Variants in TBC1D23 observed in about 807,000 individuals in gnomAD.
The protein encoded by TBC1D23 is TBC1 domain family member 23.
A neutral mutation model predicts 91.4 loss-of-function variants in TBC1D23; 55 were observed. The observed-to-expected ratio is 0.60, with a 90% CI of 0.48 to 0.75. The LOEUF is 0.75. Among genes scored for constraint, TBC1D23 ranks in the 30% least tolerant of loss-of-function variants. The pLI, the probability that TBC1D23 is intolerant of heterozygous loss-of-function variation, is 0.00. For missense variants in TBC1D23, 725 were observed against 836.1 expected, an observed-to-expected ratio of 0.87 and a Z score of 1.64; for synonymous variants, 289 against 281.0, an observed-to-expected ratio of 1.03 and a Z score of -0.28.
chr3:100,289,089 T>C (rs1322175865), intron 4 of TBC1D23, among the ~76,000 whole-genome samples: 1 of 151,946 alleles, frequency 6.6e-6, no homozygotes, highest in Non-Finnish European at 1.5e-5. Context: ...TGGATGTACC[T>C]GTAGTCCCAG....
intron 13 of TBC1D23, among the ~76,000 whole-genome samples, chr3:100,307,272 G>A (rs995083321): frequency 7.9e-5 from 12 of 152,174 alleles, no homozygotes; most frequent in African/African-American, 2.9e-4. Context: ...CACATACCTA[G>A]TGATTATTCT....
chr3:100,323,678 A>G lies in TBC1D23; in HGVS notation c.*10A>G. 1 of 1,400,014 alleles carries G rather than the reference A, an allele frequency of 7.1e-7. No homozygotes were observed. The highest frequency in any genetic ancestry group is 9.6e-7 in the Non-Finnish European group (1 of 1,041,324). The allele number at this position is 1,400,014 out of a possible 1,614,324, so 86.7% of individuals were successfully genotyped here. On this transcript the variant is annotated 3_prime_UTR_variant, in exon 19 of 19. Coordinates refer to ENST00000394144, the MANE Select transcript of TBC1D23 (RefSeq NM_001199198.3). ...TGCTTTGGAAAGTTAATATAAAAGA[A>G]AATTATATAAAAAGAAATTAAGACA...
At chr3:100,297,198 CA>C (rs1705310577) in intron 8 of TBC1D23, among the ~76,000 whole-genome samples, 1 of 151,968 alleles carries the variant, frequency 6.6e-6, no homozygotes, top group Non-Finnish European at 1.5e-5. Flanking sequence ...AGCATTCTGC[CA>C]TAATAATTTC....
intron 8 of TBC1D23, 41 bp from the exon 9 acceptor site, chr3:100,297,882 A>AT (rs3832199): frequency 0.25 from 340,874 of 1,386,322 alleles, 30,269 homozygotes; most frequent in East Asian, 0.47. Flanking sequence ...AGAAAGTTTG[A>AT]TTTTTTTTTT....
chr3:100,276,262 A>AT (rs557364713), intron 1 of TBC1D23, among the ~76,000 whole-genome samples: 196 of 151,912 alleles, frequency 1.3e-3, no homozygotes, highest in South Asian at 3.5e-3. Flanking sequence ...GTATATAGTC[A>AT]TTTTTTCCTA....
chr3:100,288,677 A>AACT (rs2067764302), intron 4 of TBC1D23, among the ~76,000 whole-genome samples: 1 of 152,194 alleles, frequency 6.6e-6, no homozygotes, highest in Non-Finnish European at 1.5e-5. Context: ...ACCTGTTTAT[A>AACT]AGTTTTTGCT....
rs778619581 is a variant in TBC1D23, at chr3:100,279,683, G to T, written c.88G>T (p.Gly30Cys). 17 of 1,608,250 alleles carry T rather than the reference G, an allele frequency of 1.1e-5. No individual in the cohort carries two copies. The highest frequency in any genetic ancestry group is 1.7e-5 in the Admixed American group (1 of 59,946). The change falls in exon 2 of 19, where the codon GGT becomes TGT. Residue 30 changes from glycine (G) to cysteine (C), a missense_variant. Physicochemically the swap from Gly to Cys is radical, Grantham distance 159 (BLOSUM62 -3). Coordinates refer to ENST00000394144, the MANE Select transcript of TBC1D23 (RefSeq NM_001199198.3). Reference protein sequence around the residue: ...KDLEEALEAGGCDLETLRNII... With the variant: ...KDLEEALEAGCCDLETLRNII... Reference sequence around the variant, plus strand: ...TCTTGAAGAAGCTCTGGAAGCAGGAGGTTGTGATCTTGAAACGTTGAGAAA... The same window carrying T: ...TCTTGAAGAAGCTCTGGAAGCAGGATGTTGTGATCTTGAAACGTTGAGAAA...
At position 100,317,583 on chromosome 3, in the gene TBC1D23, C is replaced by T. The variant is rs192553591; in HGVS notation, c.1687+1396C>T. Reference sequence around the variant, plus strand: ...CTAGGTTATAGGGAATCACATTTGACATTTTAATAGATACATGAAATCACT... The same window carrying T: ...CTAGGTTATAGGGAATCACATTTGATATTTTAATAGATACATGAAATCACT... On this transcript the variant is annotated intron_variant, in intron 16 of 18. Transcript: ENST00000394144. Among the ~76,000 whole-genome samples, 429 of 152,250 alleles carry T rather than the reference C, an allele frequency of 2.8e-3. 5 individuals carry two copies. Among genetic ancestry groups the T allele is most frequent in the East Asian group, 5.0e-3 (26 of 5,184 alleles).
chr3:100,302,815 G>A (rs886552995), intron 11 of TBC1D23, among the ~76,000 whole-genome samples: 8 of 152,158 alleles, frequency 5.3e-5, no homozygotes, highest in Middle Eastern at 3.4e-3. Context: ...AGTGATCTCC[G>A]GACCTCAAGT....
chr3:100,263,884 A>G (rs1380532082), intron 1 of TBC1D23, among the ~76,000 whole-genome samples: 1 of 152,186 alleles, frequency 6.6e-6, no homozygotes, highest in Non-Finnish European at 1.5e-5. Flanking sequence ...AATGTTTACT[A>G]GAGACAGCAT....
At chr3:100,279,604 AG>A in intron 1 of TBC1D23, 44 bp from the exon 2 acceptor site, 1 of 1,262,034 alleles carries the variant, frequency 7.9e-7, no homozygotes, top group Non-Finnish European at 1.1e-6. Context: ...AATAAGAAAA[AG>A]TATGAGATAA....
Position 100,281,103 on chromosome 3 carries a change from A to G in TBC1D23, c.166-639A>G, listed in dbSNP as rs144389239. ...TGAACCCGGGAGGCGGAGAGGTTGC[A>G]TTGAGCCGAGATCGTGCCACTATGC... On this transcript the variant is annotated intron_variant, in intron 2 of 18. Coordinates refer to ENST00000394144, the MANE Select transcript of TBC1D23 (RefSeq NM_001199198.3). Among the ~76,000 whole-genome samples, 270 of 152,276 alleles carry G rather than the reference A, an allele frequency of 1.8e-3. 2 individuals are homozygous for G. The highest frequency in any genetic ancestry group is 6.1e-3 in the African/African-American group (253 of 41,550).
At chr3:100,267,801 G>T (rs2067568856) in intron 1 of TBC1D23, among the ~76,000 whole-genome samples, 1 of 152,142 alleles carries the variant, frequency 6.6e-6, no homozygotes, top group South Asian at 2.1e-4. Context: ...CATTTGCATA[G>T]AGCGTTACTC....
chr3:100,303,755 G>A (rs887129197), intron 11 of TBC1D23, among the ~76,000 whole-genome samples: 1 of 152,168 alleles, frequency 6.6e-6, no homozygotes, highest in Non-Finnish European at 1.5e-5. Flanking sequence ...GGGTGACAGA[G>A]CGAGACCCTA....
At chr3:100,268,457 CTT>C (rs1030943725) in intron 1 of TBC1D23, among the ~76,000 whole-genome samples, 2 of 152,052 alleles carry the variant, frequency 1.3e-5, no homozygotes, top group African/African-American at 4.8e-5. Context: ...GCATAGTACC[CTT>C]GAGAATTGTC....
intron 1 of TBC1D23, among the ~76,000 whole-genome samples, chr3:100,268,922 C>T (rs2067578766): frequency 6.6e-6 from 1 of 152,186 alleles, no homozygotes; most frequent in Non-Finnish European, 1.5e-5. Flanking sequence ...TGCAACATTA[C>T]ACATATAGTT....
At chr3:100,302,507 C>T (rs1039921716) in intron 11 of TBC1D23, among the ~76,000 whole-genome samples, 1 of 152,110 alleles carries the variant, frequency 6.6e-6, no homozygotes, top group African/African-American at 2.4e-5. Context: ...GAAATACCAC[C>T]TTATTAATAT....
chr3:100,305,099 T>G (rs1169583872), intron 12 of TBC1D23, among the ~76,000 whole-genome samples: 1 of 152,140 alleles, frequency 6.6e-6, no homozygotes, highest in African/African-American at 2.4e-5. Flanking sequence ...TGTAAGACTA[T>G]TTTAATAGAT....
intron 4 of TBC1D23, among the ~76,000 whole-genome samples, chr3:100,288,993 C>T (rs1007021129): frequency 1.1e-4 from 16 of 152,018 alleles, no homozygotes; most frequent in African/African-American, 3.1e-4. Context: ...GAGGGAGGAT[C>T]GCTTGAGCCC....
Sources: gnomAD v4.1 joint callset for allele counts (sites outside exome capture counted in the v4.1 genomes callset) on GRCh38, gnomAD v4.1.1 for gene constraint, MANE v1.5 for transcripts, NCBI Gene and HGNC (gene_info 2026-07-23, HGNC 2026-07-21) for gene names.